The following CCDC18 variants were observed in gnomAD, a reference collection of about 807,000 sequenced individuals.
CCDC18 encodes coiled-coil domain-containing protein 18.
A neutral mutation model predicts 196.0 loss-of-function variants in CCDC18; 157 were observed. The ratio of observed to expected loss-of-function variants is 0.80; its 90% CI spans 0.70 to 0.91. The LOEUF is 0.91. Ranked by LOEUF, CCDC18 falls within the 40% of genes least tolerant of loss-of-function variation. The pLI is 0.00. For missense variants in CCDC18, 1,465 were observed against 1,611.6 expected (o/e 0.91, Z 1.56); for synonymous variants, 482 against 529.2 (o/e 0.91, Z 1.22).
At chr1:93,252,674 A>G (rs1662424028) in intron 23 of CCDC18, among the ~76,000 whole-genome samples, 1 of 152,144 alleles carries the variant, frequency 6.6e-6, no homozygotes, top group African/African-American at 2.4e-5. Context: ...TGTTCTTGAT[A>G]CTTGTAGATA....
chr1:93,200,172 A>C (rs2101809011), intron 6 of CCDC18, among the ~76,000 whole-genome samples: 2 of 152,088 alleles, frequency 1.3e-5, no homozygotes, highest in East Asian at 3.9e-4. Context: ...AGACGATCTC[A>C]CTACGTTTCC....
At position 93,239,422 on chromosome 1, in the gene CCDC18, G is replaced by C. The variant is rs767948991; in HGVS notation, c.2716G>C (p.Asp906His). ...ENKAMHLSQL[D>H]MILDQTKTEL... ...TAAAGCAATGCACCTCTCTCAATTA[G>C]ATATGATCTTAGATCAGACAAAGAC... The change falls in exon 20 of 29, where the codon GAT (aspartate) becomes CAT (histidine). Residue 906 changes from aspartate to histidine, a missense_variant. Transcript: ENST00000690025. The C allele has an allele frequency of 6.2e-7, 1 of 1,613,010 alleles. No individual in the cohort carries two copies. Among genetic ancestry groups the C allele is most frequent in the African/African-American group, 1.3e-5 (1 of 74,856 alleles).
chr1:93,251,700 A>G (rs571517825), intron 23 of CCDC18, among the ~76,000 whole-genome samples: 125 of 151,412 alleles, frequency 8.3e-4, no homozygotes, highest in South Asian at 1.5e-3. Flanking sequence ...TGCTTTCAGG[A>G]TCCTGTGTTT....
At chr1:93,249,262 A>C (rs1435488784) in intron 23 of CCDC18, among the ~76,000 whole-genome samples, 2 of 152,278 alleles carry the variant, frequency 1.3e-5, no homozygotes, top group South Asian at 2.1e-4. Flanking sequence ...GTAGTTGTTC[A>C]TAACAGTCTG....
intron 26 of CCDC18, among the ~76,000 whole-genome samples, chr1:93,261,351 T>C (rs1458182647): frequency 2.0e-5 from 3 of 152,042 alleles, no homozygotes; most frequent in Admixed American, 6.6e-5. Flanking sequence ...TCATATTTAT[T>C]TTTGAACGTT....
intron 18 of CCDC18, among the ~76,000 whole-genome samples, chr1:93,233,562 T>C (rs370517596): frequency 1.1e-3 from 173 of 152,308 alleles, no homozygotes; most frequent in Middle Eastern, 3.4e-3. Context: ...AACTAAAGTA[T>C]CTTCCTCTCA....
chr1:93,237,426 A>G (rs773699085), intron 19 of CCDC18, among the ~76,000 whole-genome samples: 13 of 152,054 alleles, frequency 8.5e-5, no homozygotes, highest in Admixed American at 2.0e-4. Flanking sequence ...CTCTCCACAC[A>G]TTCTGTTTCT....
chr1:93,219,553 G>A (rs1051084527), intron 14 of CCDC18, among the ~76,000 whole-genome samples: 2 of 152,198 alleles, frequency 1.3e-5, no homozygotes, highest in African/African-American at 2.4e-5. Context: ...TAACGAGCAG[G>A]TAGCTTATAC....
intron 16 of CCDC18, among the ~76,000 whole-genome samples, chr1:93,223,831 T>C (rs956014090): frequency 6.6e-6 from 1 of 151,952 alleles, no homozygotes; most frequent in Admixed American, 6.6e-5. Context: ...TGTCTCCAGA[T>C]TGTGCACCTG....
intron 6 of CCDC18, among the ~76,000 whole-genome samples, chr1:93,197,666 G>A (rs1365622501): frequency 1.3e-5 from 2 of 150,756 alleles, no homozygotes; most frequent in Non-Finnish European, 2.9e-5. Flanking sequence ...AGCCCATGAT[G>A]ACTAAAATGG....
chr1:93,235,280 A>C (rs1450436443), intron 18 of CCDC18, among the ~76,000 whole-genome samples: 2 of 152,184 alleles, frequency 1.3e-5, no homozygotes, highest in Non-Finnish European at 2.9e-5. Context: ...TAGGGAGAGA[A>C]TATAGAATGA....
intron 28 of CCDC18, among the ~76,000 whole-genome samples, chr1:93,274,167 G>T (rs1010892936): frequency 2.0e-5 from 3 of 152,204 alleles, no homozygotes; most frequent in Admixed American, 2.0e-4. Context: ...CACTTTGGGA[G>T]GCTGAGGCAG....
At chr1:93,203,395 C>A (rs1456948020) in intron 7 of CCDC18, among the ~76,000 whole-genome samples, 3 of 152,068 alleles carry the variant, frequency 2.0e-5, no homozygotes, top group Non-Finnish European at 4.4e-5. Flanking sequence ...TGGATTTAGA[C>A]ATACAAATCT....
intron 28 of CCDC18, chr1:93,273,645 CAAAA>C (rs1444920122): frequency 6.6e-6 from 1 of 152,138 alleles, no homozygotes; most frequent in Non-Finnish European, 1.5e-5. Flanking sequence ...CAATGACAAA[CAAAA>C]AGTACCATCA....
chr1:93,268,869 G>T (rs942257347), intron 27 of CCDC18, among the ~76,000 whole-genome samples: 1 of 151,996 alleles, frequency 6.6e-6, no homozygotes, highest in Non-Finnish European at 1.5e-5. Context: ...ACAGTGTGGC[G>T]ATTCCTCAAG....
At chr1:93,221,968 T>TGAC in intron 16 of CCDC18, 32 bp downstream of exon 16, 1 of 1,392,282 alleles carries the variant, frequency 7.2e-7, no homozygotes, top group Non-Finnish European at 9.8e-7. Flanking sequence ...TTTTCTTTCT[T>TGAC]TCCTTTTTTT....
At chr1:93,261,382 C>T (rs1260765286) in intron 26 of CCDC18, among the ~76,000 whole-genome samples, 5 of 151,900 alleles carry the variant, frequency 3.3e-5, no homozygotes, top group Non-Finnish European at 7.4e-5. Flanking sequence ...AATGCATAGC[C>T]AATTTATTTC....
At chr1:93,189,416 GT>G (rs1439489007) in intron 4 of CCDC18, among the ~76,000 whole-genome samples, 3 of 152,312 alleles carry the variant, frequency 2.0e-5, no homozygotes, top group African/African-American at 7.2e-5. Flanking sequence ...CTATTGAACA[GT>G]GCTGCAACAA....
At chr1:93,180,285 G>A (rs1557584115), upstream of CCDC18, 1 of 1,557,236 alleles carries the variant, frequency 6.4e-7, no homozygotes, top group African/African-American at 1.4e-5. Context: ...GTCAGGTACT[G>A]TTGTCTCCGC....
Sources: allele counts gnomAD v4.1 joint callset (sites outside exome capture counted in the v4.1 genomes callset), GRCh38; gene constraint gnomAD v4.1.1; transcripts MANE v1.5; gene names NCBI Gene and HGNC (gene_info 2026-07-23, HGNC 2026-07-21).